ICE2: variants seen among roughly 807,000 people sequenced by gnomAD.
ICE2 encodes little elongation complex subunit 2.
A neutral mutation model predicts 105.4 loss-of-function variants in ICE2; 87 were observed. The ratio of observed to expected loss-of-function variants is 0.83; its 90% confidence interval spans 0.69 to 0.99. The LOEUF is 0.99. Ranked by LOEUF, ICE2 falls within the 50% of genes least tolerant of loss-of-function variation. The probability of loss-of-function intolerance (pLI) is 0.00; values close to 1 mark genes in which losing one functional copy is unlikely to be tolerated. For missense variants in ICE2, 1,323 were observed against 1,146.7 expected (o/e 1.15, Z -2.22); for synonymous variants, 399 against 392.0 (o/e 1.02, Z -0.21).
chr15:60,425,486 G>A (rs1047288011), intron 15 of ICE2, among the ~76,000 whole-genome samples: 1 of 152,206 alleles, frequency 6.6e-6, no homozygotes, highest in Admixed American at 6.5e-5. Context: ...TAAGTGTGAA[G>A]CTGCTGCAAG....
chr15:60,432,593 A>G lies in ICE2; in HGVS notation c.2511-609T>C, dbSNP rs377371493. On this transcript the variant is annotated intron_variant, in intron 13 of 15. Transcript: ENST00000261520. ...TCACTATTTTATGTTCAAATTATATACTTAAAAAAAAAACGCTGGCCGGGT... is the reference window on the plus strand; with the variant it reads ...TCACTATTTTATGTTCAAATTATATGCTTAAAAAAAAAACGCTGGCCGGGT... Among the ~76,000 whole-genome samples, 13 of 151,596 alleles carry G rather than the reference A, an allele frequency of 8.6e-5. No individual in the cohort carries two copies. In the East Asian group the frequency reaches 1.6e-3, roughly 18 times the overall value.
intron 13 of ICE2, among the ~76,000 whole-genome samples, chr15:60,434,547 ACACACACACACACACACAC>A (rs2063539271): frequency 4.2e-5 from 5 of 118,998 alleles, no homozygotes; most frequent in African/African-American, 1.6e-4. Context: ...ACACACACAC[ACACACACACACACACACAC>A]AATGGAATAT....
intron 13 of ICE2, 70 bp from the exon 14 acceptor site, chr15:60,432,054 A>G (rs1183885827): frequency 9.1e-6 from 7 of 773,166 alleles, no homozygotes; most frequent in African/African-American, 1.7e-5. Flanking sequence ...ATAGCTCCTC[A>G]GGCAGAGAAA....
At position 60,420,676 on chromosome 15, in the gene ICE2, C is replaced by T. The variant is rs2063233827; in HGVS notation, c.*2958G>A. 1 of 152,086 alleles carries T rather than the reference C, an allele frequency of 6.6e-6. No individual in the cohort carries two copies. Among genetic ancestry groups the T allele is most frequent in the South Asian group, 2.1e-4 (1 of 4,830 alleles). 9.4% of individuals were successfully genotyped at this position (152,086 alleles called of 1,614,324 possible). A position where few individuals can be genotyped will look rare whatever the true frequency, so the allele number is the denominator to read the frequency against. On this transcript the variant is annotated 3_prime_UTR_variant, in exon 16 of 16. Transcript: ENST00000261520. The stretch of plus-strand genomic sequence containing the variant: ...TTCACTTAGTTTCTTTGTGGAAGAC[C>T]TTTAATTTTCCCTTATAAATCCTAC...
intron 14 of ICE2, among the ~76,000 whole-genome samples, chr15:60,430,243 G>C (rs146866843): frequency 6.6e-6 from 1 of 152,150 alleles, no homozygotes; most frequent in African/African-American, 2.4e-5. Flanking sequence ...TTAACTTGGC[G>C]TTGTAACTTT....
intron 5 of ICE2, among the ~76,000 whole-genome samples, chr15:60,461,607 T>A (rs2064279246): frequency 6.6e-6 from 1 of 152,200 alleles, no homozygotes; most frequent in African/African-American, 2.4e-5. Context: ...TAATTTCAAC[T>A]GTTTTCAGTA....
At chr15:60,436,113 C>T in intron 13 of ICE2, 30 bp downstream of exon 13, 2 of 924,354 alleles carry the variant, frequency 2.2e-6, no homozygotes, top group Non-Finnish European at 3.2e-6. Context: ...ACAAATTTTT[C>T]AATTCTCACC....
chr15:60,426,524 C>G (rs2063341505), intron 15 of ICE2, among the ~76,000 whole-genome samples: 1 of 152,144 alleles, frequency 6.6e-6, no homozygotes, highest in African/African-American at 2.4e-5. Context: ...TTAAGTGATA[C>G]ATGACTACAA....
At chr15:60,436,367 C>T (rs1284184583) in intron 12 of ICE2, 140 bp from the exon 13 acceptor site, 18 of 436,594 alleles carry the variant, frequency 4.1e-5, no homozygotes, top group Admixed American at 8.6e-5. Context: ...GAGAAATACA[C>T]ATTTTATTAA....
chr15:60,449,965 T>C (rs985896701), intron 9 of ICE2, 124 bp from the exon 10 acceptor site: 16 of 705,974 alleles, frequency 2.3e-5, no homozygotes, highest in Admixed American at 1.7e-4. Flanking sequence ...AGTCTAATGG[T>C]TGTAAAAGGT....
rs141281271 is a variant in ICE2 at position 60,472,037 on chromosome 15, A to C, written c.147-3715T>G. The stretch of plus-strand genomic sequence containing the variant: ...TTAAAACTCAGTTACGAGTATCTGC[A>C]AACAGAAACTTTAATTAAAAAAAAA... On this transcript the variant is annotated intron_variant, in intron 3 of 15. Coordinates refer to ENST00000261520, the MANE Select transcript of ICE2 (RefSeq NM_024611.6). 2.0e-3 allele frequency among the ~76,000 whole-genome samples: 297 copies of C among 152,110 alleles called. 3 individuals carry two copies. Among genetic ancestry groups the C allele is most frequent in the African/African-American group, 6.7e-3 (278 of 41,516 alleles).
At position 60,455,019 on chromosome 15, in the gene ICE2, T is replaced by G. The variant is rs1343169645; in HGVS notation, c.927A>C (p.Gln309His). Residue 309 changes from glutamine (Q) to histidine (H), a missense_variant, in exon 8 of 16, where the codon CAA becomes CAC. By Grantham distance (24) the Gln-to-His change is conservative (BLOSUM62 0). Transcript: ENST00000261520. ...ATTACAAACCTGCAACAGGTATTAC[T>G]TGAATACACACTGGAATTTCCCACT... ...KEQWEIPVCI[Q>H]VIPVAGSKPV... 2 of 1,563,182 alleles carry G rather than the reference T, an allele frequency of 1.3e-6. No homozygotes were observed. The highest frequency in any genetic ancestry group is 1.4e-5 in the African/African-American group (1 of 72,270).
At chr15:60,477,656 T>C (rs894603807) in intron 2 of ICE2, among the ~76,000 whole-genome samples, 1 of 152,222 alleles carries the variant, frequency 6.6e-6, no homozygotes, top group African/African-American at 2.4e-5. Context: ...AAAATTCCAG[T>C]ATCTCTCCTT....
chr15:60,439,470 T>A (rs2063673563), intron 12 of ICE2: 1 of 152,220 alleles, frequency 6.6e-6, no homozygotes, highest in Non-Finnish European at 1.5e-5. Context: ...AACCTCCGCC[T>A]CCCAGGCTCT....
At chr15:60,443,455 T>C (rs2063761470) in intron 11 of ICE2, among the ~76,000 whole-genome samples, 1 of 152,222 alleles carries the variant, frequency 6.6e-6, no homozygotes, top group South Asian at 2.1e-4. Flanking sequence ...CTTGGTACAA[T>C]GGTGGTGGTA....
intron 11 of ICE2, 116 bp from the exon 12 acceptor site, chr15:60,442,661 CT>C: frequency 1.4e-6 from 1 of 736,682 alleles, no homozygotes; most frequent in Non-Finnish European, 2.2e-6. Context: ...TTATTTCATC[CT>C]TTCAATTACA....
intron 5 of ICE2, among the ~76,000 whole-genome samples, 173 bp downstream of exon 5, chr15:60,466,421 T>A (rs182958392): frequency 2.6e-5 from 4 of 152,310 alleles, no homozygotes; most frequent in South Asian, 2.1e-4. Flanking sequence ...TAGTACACAA[T>A]TTTGAGATGT....
intron 12 of ICE2, among the ~76,000 whole-genome samples, chr15:60,436,440 C>T (rs1335501606): frequency 6.7e-6 from 1 of 149,646 alleles, no homozygotes; most frequent in Non-Finnish European, 1.5e-5. Flanking sequence ...TATATTCATT[C>T]TAAAATATTT....
At chr15:60,425,004 G>A (rs190375203) in intron 15 of ICE2, among the ~76,000 whole-genome samples, 4 of 151,990 alleles carry the variant, frequency 2.6e-5, no homozygotes, top group Non-Finnish European at 4.4e-5. Context: ...TTCATATCCC[G>A]TCCAGTCAAT....
Sources: allele counts gnomAD v4.1 joint callset (sites outside exome capture counted in the v4.1 genomes callset), GRCh38; gene constraint gnomAD v4.1.1; transcripts MANE v1.5; gene names NCBI Gene and HGNC (gene_info 2026-07-23, HGNC 2026-07-21).